Variants in RASAL2 observed in about 807,000 individuals in gnomAD.
RASAL2 encodes ras GTPase-activating protein nGAP.
RASAL2 carries 58 observed loss-of-function variants against 128.9 expected under a neutral mutation model. The observed-to-expected ratio is 0.45, with a 90% CI of 0.36 to 0.56. RASAL2 has a LOEUF of 0.56. Ranked by LOEUF, RASAL2 falls within the 20% of genes least tolerant of loss-of-function variation. RASAL2 has a pLI of 0.00. For synonymous variants in RASAL2, 561 were observed against 580.8 expected, an observed-to-expected ratio of 0.97 and a Z score of 0.49; for missense variants, 1,360 against 1,601.6, an observed-to-expected ratio of 0.85 and a Z score of 2.57.
At chr1:178,335,156 A>C (rs1353028202) in intron 3 of RASAL2, among the ~76,000 whole-genome samples, 1 of 151,858 alleles carries the variant, frequency 6.6e-6, no homozygotes, top group Non-Finnish European at 1.5e-5. Flanking sequence ...TTTTTTCCTT[A>C]AGAACTTAAA....
At chr1:178,110,730 G>A (rs373722930) in intron 1 of RASAL2, among the ~76,000 whole-genome samples, 1 of 149,870 alleles carries the variant, frequency 6.7e-6, no homozygotes, top group East Asian at 2.0e-4. Context: ...TGGGATTAAG[G>A]CACACACTAC....
intron 1 of RASAL2, among the ~76,000 whole-genome samples, chr1:178,100,482 C>T (rs1658855330): frequency 6.6e-6 from 1 of 151,310 alleles, no homozygotes; most frequent in Non-Finnish European, 1.5e-5. Flanking sequence ...TGAGATCGTG[C>T]CACTGCACTC....
intron 3 of RASAL2, among the ~76,000 whole-genome samples, chr1:178,371,725 A>G (rs1410826521): frequency 6.6e-6 from 1 of 152,160 alleles, no homozygotes; most frequent in African/African-American, 2.4e-5. Flanking sequence ...AGGAAATTTG[A>G]AAACCTTTCT....
chr1:178,334,483 C>T (rs1211602702), intron 3 of RASAL2, among the ~76,000 whole-genome samples: 1 of 151,952 alleles, frequency 6.6e-6, no homozygotes, highest in Non-Finnish European at 1.5e-5. Context: ...GGATTACAGG[C>T]ATGCGCCACC....
intron 4 of RASAL2, among the ~76,000 whole-genome samples, chr1:178,391,812 T>C (rs1672923929): frequency 2.0e-5 from 3 of 152,198 alleles, no homozygotes; most frequent in Admixed American, 2.0e-4. Flanking sequence ...GTTTCTATGT[T>C]AACTTTGTGG....
intron 1 of RASAL2, among the ~76,000 whole-genome samples, chr1:178,112,569 A>G (rs1466414361): frequency 6.6e-6 from 1 of 151,898 alleles, no homozygotes; most frequent in Non-Finnish European, 1.5e-5. Flanking sequence ...GAAAAAAGAA[A>G]TCATGAAAAA....
At chr1:178,467,305 G>A in intron 16 of RASAL2, 29 bp from the exon 17 acceptor site, 2 of 1,583,854 alleles carry the variant, frequency 1.3e-6, no homozygotes, top group Non-Finnish European at 1.7e-6. Context: ...CTTTGAAGAT[G>A]TTGATATTTC....
At chr1:178,178,584 T>C (rs1173225572) in intron 1 of RASAL2, among the ~76,000 whole-genome samples, 1 of 152,204 alleles carries the variant, frequency 6.6e-6, no homozygotes, top group East Asian at 1.9e-4. Context: ...TACTAAATTA[T>C]ATACTAAGTT....
rs751037995 is a variant in RASAL2 at position 178,452,506 on chromosome 1, C to T, written c.1863C>T (p.Ile621=). Reference sequence around the variant, plus strand: ...AGCAAGACATCAGCGAGAGGCTCATCAGTGCCTCATTATTTCTCCGTTTTC... The same window carrying T: ...AGCAAGACATCAGCGAGAGGCTCATTAGTGCCTCATTATTTCTCCGTTTTC... ...RGKQDISERL[I]SASLFLRFLC... is the part of the protein sequence containing the mutation. Residue 621 remains isoleucine, a synonymous_variant, in exon 11 of 18, where the codon ATC becomes ATT. Coordinates refer to ENST00000367649, the MANE Select transcript of RASAL2 (RefSeq NM_170692.4). The T allele has an allele frequency of 2.0e-5, 32 of 1,613,906 alleles. No homozygotes were observed. The highest frequency in any genetic ancestry group is 2.4e-5 in the Non-Finnish European group (28 of 1,179,936).
intron 1 of RASAL2, among the ~76,000 whole-genome samples, chr1:178,192,701 G>T (rs1029337461): frequency 2.0e-5 from 3 of 152,162 alleles, no homozygotes; most frequent in African/African-American, 7.2e-5. Flanking sequence ...AAGCAATTTA[G>T]CAACCTACAG....
rs775192536 is a variant in RASAL2 at position 178,457,830 on chromosome 1, G to T, written c.2538G>T (p.Arg846=). ...GGGAAAGTAGCCTTCCTAATGGTCG[G>T]AGCGTCTCCCTCATGGACCTCCAGG... ...DERESSLPNG[R]SVSLMDLQDT... Residue 846 remains arginine (R), a synonymous_variant, in exon 14 of 18, where the codon CGG becomes CGT. Coordinates refer to ENST00000367649, the MANE Select transcript of RASAL2 (RefSeq NM_170692.4). 88 of 1,614,074 alleles carry T rather than the reference G, an allele frequency of 5.5e-5. No individual in the cohort carries two copies. Among genetic ancestry groups the T allele is most frequent in the Non-Finnish European group, 6.4e-5 (76 of 1,180,042 alleles).
Position 178,296,189 on chromosome 1 carries a change from A to G in RASAL2, c.331-3803A>G, listed in dbSNP as rs181891911. ...TGTGTGTGTGTGCATATATATATAT[A>G]TAAATATGTGCCACATTGCTTTTTG... On this transcript the variant is annotated intron_variant, in intron 2 of 17. Transcript: ENST00000367649. Among the ~76,000 whole-genome samples the G allele has an allele frequency of 7.3e-4, 111 of 152,136 alleles. 2 individuals are homozygous for G. In the East Asian group the frequency reaches 0.015, roughly 20 times the overall value.
intron 3 of RASAL2, among the ~76,000 whole-genome samples, chr1:178,371,341 C>CACAAAT (rs1671696339): frequency 7.3e-6 from 1 of 137,738 alleles, no homozygotes; most frequent in Admixed American, 7.0e-5. Flanking sequence ...CACACACACA[C>CACAAAT]ACACACACAC....
rs1351724818 is a variant in RASAL2, at chr1:178,477,614, A to C, written c.*4375A>C. The C allele has an allele frequency of 6.6e-6, 1 of 152,202 alleles. No homozygotes were observed. The highest frequency in any genetic ancestry group is 1.5e-5 in the Non-Finnish European group (1 of 68,036). The allele number at this position is 152,202 out of a possible 1,614,324, so 9.4% of individuals were successfully genotyped here. A position where few individuals can be genotyped will look rare whatever the true frequency, so the allele number is the denominator to read the frequency against. ...TATTTATATCCCTTGCCCACTCTTA[A>C]AATACATAGATACATAAAAAGGCAG... On this transcript the variant is annotated 3_prime_UTR_variant, in exon 18 of 18. Transcript: ENST00000367649.
chr1:178,189,776 T>G (rs1662427001), intron 1 of RASAL2, among the ~76,000 whole-genome samples: 2 of 152,222 alleles, frequency 1.3e-5, no homozygotes, highest in East Asian at 1.9e-4. Context: ...ATTTATGTGT[T>G]TTTTTCTCAT....
At chr1:178,104,270 A>G (rs1465299335) in intron 1 of RASAL2, among the ~76,000 whole-genome samples, 2 of 152,124 alleles carry the variant, frequency 1.3e-5, no homozygotes, top group African/African-American at 4.8e-5. Context: ...TCTTTATTCT[A>G]TACAAGATTG....
At chr1:178,098,429 G>T (rs1658772812) in intron 1 of RASAL2, among the ~76,000 whole-genome samples, 1 of 152,220 alleles carries the variant, frequency 6.6e-6, no homozygotes, top group South Asian at 2.1e-4. Flanking sequence ...AAGCTCAGCA[G>T]CATAGCGAAA....
chr1:178,353,415 A>C (rs1456957215), intron 3 of RASAL2, among the ~76,000 whole-genome samples: 1 of 152,230 alleles, frequency 6.6e-6, no homozygotes, highest in African/African-American at 2.4e-5. Flanking sequence ...ATGCATAACA[A>C]AAGTGACCTT....
chr1:178,446,871 G>A (rs534366028), intron 9 of RASAL2, among the ~76,000 whole-genome samples: 1 of 152,268 alleles, frequency 6.6e-6, no homozygotes, highest in South Asian at 2.1e-4. Context: ...GTTAAAAACA[G>A]ACATTGAGCA....
Sources: gnomAD v4.1 joint callset for allele counts (sites outside exome capture counted in the v4.1 genomes callset) on GRCh38, gnomAD v4.1.1 for gene constraint, MANE v1.5 for transcripts, NCBI Gene and HGNC (gene_info 2026-07-23, HGNC 2026-07-21) for gene names.